Variants in EGFR observed in about 807,000 individuals in gnomAD.
The protein encoded by EGFR is epidermal growth factor receptor, also known as avian erythroblastic leukemia viral (v-erb-b) oncogene homolog.
Under a neutral mutation model 143.0 loss-of-function variants are expected in EGFR, and 58 were observed. That is an observed-to-expected ratio of 0.41 (90% CI 0.33 to 0.50). The LOEUF is 0.50. Ranked by LOEUF, EGFR falls within the 20% of genes least tolerant of loss-of-function variation. The probability of loss-of-function intolerance (pLI) is 0.39; values close to 1 mark genes in which losing one functional copy is unlikely to be tolerated. For synonymous variants in EGFR, 613 were observed against 594.4 expected (o/e 1.03, Z -0.45); for missense variants, 1,307 against 1,579.0 (o/e 0.83, Z 2.92).
chr7:55,026,057 T>C (rs1014763519), intron 1 of EGFR, among the ~76,000 whole-genome samples: 2 of 152,170 alleles, frequency 1.3e-5, no homozygotes, highest in African/African-American at 4.8e-5. Flanking sequence ...TGAGGGGCTT[T>C]TGAAAAAGAG....
In EGFR at chr7:55,063,184, G is replaced by C. The variant is rs17335884; in HGVS notation, c.88+43819G>C. 7.6e-3 allele frequency among the ~76,000 whole-genome samples: 1,162 copies of C among 152,248 alleles called. 20 individuals are homozygous for C. Among genetic ancestry groups the C allele is most frequent in the African/African-American group, 0.026 (1,090 of 41,524 alleles). ...AAATAAGAGAAATGAAGAAATATGT[G>C]CCCGGAAGCAAGAACGACCGACCTC... On this transcript the variant is annotated intron_variant, in intron 1 of 27. Coordinates refer to ENST00000275493, the MANE Select transcript of EGFR (RefSeq NM_005228.5).
chr7:55,168,418 T>A (rs1786177033), intron 15 of EGFR: 1 of 799,168 alleles, frequency 1.3e-6, no homozygotes, highest in East Asian at 2.5e-5. Context: ...TACACTTACT[T>A]TGTATAAGAA....
chr7:55,077,999 G>C (rs1050253487), intron 1 of EGFR, among the ~76,000 whole-genome samples: 5 of 152,214 alleles, frequency 3.3e-5, no homozygotes, highest in Admixed American at 3.3e-4. Context: ...GGGTGTGGAG[G>C]GGGAGGCAGT....
intron 1 of EGFR, among the ~76,000 whole-genome samples, chr7:55,137,381 A>T (rs1309304937): frequency 1.3e-5 from 2 of 152,248 alleles, no homozygotes; most frequent in East Asian, 3.9e-4. Context: ...ATCTGGAGAA[A>T]CTTGTTCTAA....
At chr7:55,039,737 T>A (rs1457510411) in intron 1 of EGFR, among the ~76,000 whole-genome samples, 1 of 152,166 alleles carries the variant, frequency 6.6e-6, no homozygotes, top group Non-Finnish European at 1.5e-5. Flanking sequence ...CTTTCCACAT[T>A]TTCCTGGGCT....
At chr7:55,043,642 G>C (rs969826906) in intron 1 of EGFR, among the ~76,000 whole-genome samples, 2 of 152,146 alleles carry the variant, frequency 1.3e-5, no homozygotes, top group Non-Finnish European at 2.9e-5. Context: ...GGGATTACAG[G>C]TGTGAGCCAC....
chr7:55,116,705 C>T (rs919064391), intron 1 of EGFR, among the ~76,000 whole-genome samples: 1 of 152,230 alleles, frequency 6.6e-6, no homozygotes, highest in Non-Finnish European at 1.5e-5. Context: ...AAGGCCAGCA[C>T]GATGGGCCAG....
intron 1 of EGFR, among the ~76,000 whole-genome samples, chr7:55,139,023 T>A (rs1274327375): frequency 1.3e-5 from 2 of 152,222 alleles, no homozygotes; most frequent in Non-Finnish European, 2.9e-5. Flanking sequence ...ATGGCATTAA[T>A]CCATTCCTTA....
At chr7:55,060,065 A>T (rs1789079363) in intron 1 of EGFR, among the ~76,000 whole-genome samples, 4 of 152,186 alleles carry the variant, frequency 2.6e-5, no homozygotes, top group African/African-American at 9.6e-5. Context: ...ACGTGGGGAA[A>T]ACCTACAGAC....
rs770749711 is a variant in EGFR at position 55,205,336 on chromosome 7, G to T, written c.3352G>T (p.Ala1118Ser). The change falls in exon 28 of 28, where the codon GCG (alanine) becomes TCG (serine). Residue 1118 changes from alanine (A) to serine (S), a missense_variant. By Grantham distance (99) the Ala-to-Ser change is moderately conservative (BLOSUM62 1). Coordinates refer to ENST00000275493, the MANE Select transcript of EGFR (RefSeq NM_005228.5). ...CTATCACAATCAGCCTCTGAACCCC[G>T]CGCCCAGCAGAGACCCACACTACCA... ...PVYHNQPLNPAPSRDPHYQDP... is the reference protein window; with the variant it reads ...PVYHNQPLNPSPSRDPHYQDP... 1 of 1,612,356 alleles carries T rather than the reference G, an allele frequency of 6.2e-7. No individual in the cohort carries two copies.
chr7:55,149,381 A>G (rs1023653151), intron 4 of EGFR, among the ~76,000 whole-genome samples: 1 of 151,966 alleles, frequency 6.6e-6, no homozygotes, highest in African/African-American at 2.4e-5. Flanking sequence ...ACACACACGC[A>G]CACATACACA....
intron 1 of EGFR, among the ~76,000 whole-genome samples, chr7:55,037,814 C>CT (rs1562658471): frequency 6.6e-6 from 1 of 152,186 alleles, no homozygotes; most frequent in Non-Finnish European, 1.5e-5. Context: ...ATTCTGACTT[C>CT]TTTTTTTCTG....
At chr7:55,050,253 C>T (rs767733091) in intron 1 of EGFR, among the ~76,000 whole-genome samples, 3 of 152,118 alleles carry the variant, frequency 2.0e-5, no homozygotes, top group Admixed American at 6.5e-5. Context: ...TGTTTTCCTC[C>T]GTTCCCCCAG....
In EGFR at chr7:55,191,832, G is replaced by A. The variant is rs1252912476; in HGVS notation, c.2583G>A (p.Leu861=). 1.6e-5 allele frequency: 26 copies of A among 1,613,994 alleles called. No homozygotes were observed. The highest frequency in any genetic ancestry group is 2.2e-5 in the Non-Finnish European group (26 of 1,180,042). ...VKITDFGLAK[L]LGAEEKEYHA... is the part of the protein sequence containing the mutation. ...TCACAGATTTTGGGCTGGCCAAACT[G>A]CTGGGTGCGGAAGAGAAAGAATACC... Residue 861 remains leucine, a synonymous_variant, in exon 21 of 28, where the codon CTG becomes CTA. Transcript: ENST00000275493.
chr7:55,123,243 C>T (rs989745655), intron 1 of EGFR, among the ~76,000 whole-genome samples: 4 of 152,122 alleles, frequency 2.6e-5, no homozygotes, highest in East Asian at 1.9e-4. Flanking sequence ...CAACATAGTA[C>T]GTTTCAGATT....
intron 15 of EGFR, among the ~76,000 whole-genome samples, chr7:55,169,415 A>G (rs943780239): frequency 2.0e-5 from 3 of 152,202 alleles, no homozygotes; most frequent in Admixed American, 1.3e-4. Context: ...CTATTTTTAA[A>G]TGGAACTGTG....
chr7:55,023,200 T>C (rs1054765171), intron 1 of EGFR, among the ~76,000 whole-genome samples: 15 of 152,192 alleles, frequency 9.9e-5, no homozygotes, highest in Non-Finnish European at 4.4e-5. Context: ...TGCCTGTGTG[T>C]CTGTGTGTGC....
At chr7:55,122,482 C>T (rs376547435) in intron 1 of EGFR, among the ~76,000 whole-genome samples, 170 of 152,372 alleles carry the variant, frequency 1.1e-3, no homozygotes, top group African/African-American at 3.3e-3. Context: ...CTCCTACCCT[C>T]GCCCTCAAGA....
chr7:55,072,988 A>G (rs1026003270), intron 1 of EGFR, among the ~76,000 whole-genome samples: 6 of 152,180 alleles, frequency 3.9e-5, no homozygotes, highest in African/African-American at 7.2e-5. Context: ...ACATTTCACT[A>G]CTTTTAGATA....
Sources: gnomAD v4.1 joint callset for allele counts (sites outside exome capture counted in the v4.1 genomes callset) on GRCh38, gnomAD v4.1.1 for gene constraint, MANE v1.5 for transcripts, NCBI Gene and HGNC (gene_info 2026-07-23, HGNC 2026-07-21) for gene names.